The following WRAP73 variants were observed in gnomAD, a reference collection of about 807,000 sequenced individuals.
WRAP73 encodes the protein WD repeat containing, antisense to TP73.
Under a neutral mutation model 59.6 loss-of-function variants are expected in WRAP73, and 55 were observed. That is an observed-to-expected ratio of 0.92 (90% CI 0.74 to 1.15). The LOEUF (loss-of-function observed/expected upper bound fraction) is 1.15, where lower values mean the gene tolerates loss of function less well. Ranked by LOEUF, WRAP73 falls within the 50% of genes most tolerant of loss-of-function variation. WRAP73 has a pLI of 0.00. For synonymous variants in WRAP73, 265 were observed against 258.2 expected (o/e 1.03, Z -0.25); for missense variants, 592 against 608.1 (o/e 0.97, Z 0.28).
At chr1:3,631,426 A>AGCCGTGT (rs1553124492) in intron 11 of WRAP73, 40 bp downstream of exon 11, 1 of 1,553,234 alleles carries the variant, frequency 6.4e-7, no homozygotes, top group Non-Finnish European at 8.7e-7. Context: ...GACTGCACAC[A>AGCCGTGT]GCAAGGCTGC....
intron 5 of WRAP73, chr1:3,636,689 C>T (rs896313157): frequency 1.7e-5 from 7 of 419,258 alleles, no homozygotes; most frequent in Admixed American, 6.5e-5. Context: ...TGAACTTCCA[C>T]GTCCCCCCAA....
intron 11 of WRAP73, 77 bp from the exon 12 acceptor site, chr1:3,631,194 C>A: frequency 6.3e-7 from 1 of 1,589,216 alleles, no homozygotes; most frequent in Non-Finnish European, 8.6e-7. Context: ...CCTTGTCCTG[C>A]AGGCCAGCAC....
Position 3,637,026 on chromosome 1 carries a change from ATGCTCACGTAATCTT to A in WRAP73, c.470_484del (p.Lys157_Ser161del). 6.2e-7 allele frequency: 1 copy of A among 1,613,758 alleles called. No individual in the cohort carries two copies. The highest frequency in any genetic ancestry group is 8.5e-7 in the Non-Finnish European group (1 of 1,180,012). On this transcript the variant is annotated inframe_deletion, in exon 5 of 12. Transcript: ENST00000270708. ...GAGCTGCCAATCACTGCAGACGAAG[ATGCTCACGTAATCTT>A]TGCAGTCGCGCCGTTCTGCCAGCGC...
chr1:3,647,162 C>T, intron 2 of WRAP73: 1 of 485,112 alleles, frequency 2.1e-6, no homozygotes, highest in Non-Finnish European at 3.6e-6. Flanking sequence ...AAACACACCA[C>T]ATCCGCGTGG....
At chr1:3,632,563 C>G in intron 9 of WRAP73, 1 of 622,446 alleles carries the variant, frequency 1.6e-6, no homozygotes, top group East Asian at 3.2e-5. Context: ...ACCTGCCAGG[C>G]CCGACTAGGT....
intron 6 of WRAP73, 109 bp downstream of exon 6, chr1:3,635,834 CA>C (rs1414751456): frequency 1.2e-5 from 12 of 968,878 alleles, no homozygotes; most frequent in Non-Finnish European, 1.7e-5. Flanking sequence ...AAACAAAGCT[CA>C]ACTTGTTATC....
intron 1 of WRAP73, among the ~76,000 whole-genome samples, chr1:3,648,134 T>A (rs1644708266): frequency 6.6e-6 from 1 of 152,258 alleles, no homozygotes; most frequent in Non-Finnish European, 1.5e-5. Context: ...TTTATCTCCA[T>A]TAACCTATTC....
chr1:3,632,119 A>G, intron 10 of WRAP73, 94 bp downstream of exon 10: 1 of 1,515,250 alleles, frequency 6.6e-7, no homozygotes, highest in East Asian at 2.3e-5. Context: ...CGTGTCGGAA[A>G]CCCCCAACTT....
At chr1:3,636,421 A>G (rs1161948608) in intron 5 of WRAP73, 6 of 297,788 alleles carry the variant, frequency 2.0e-5, no homozygotes, top group South Asian at 8.9e-5. Flanking sequence ...GTCTCCCCGC[A>G]CCTGCACTCA....
chr1:3,644,687 A>T (rs1025874964), intron 3 of WRAP73, among the ~76,000 whole-genome samples: 4 of 152,226 alleles, frequency 2.6e-5, no homozygotes, highest in Non-Finnish European at 4.4e-5. Flanking sequence ...TCATGACCTT[A>T]GTCTTAGGTT....
At position 3,649,937 on chromosome 1, in the gene WRAP73, C is replaced by A; in HGVS notation, c.63G>T (p.Lys21Asn). ...SLLCKFSPDG[K>N]YLASCVQYRL... The stretch of plus-strand genomic sequence containing the variant: ...CCAGGTCCCCGCCGCTCACCAGGTA[C>A]TTGCCGTCCGGGGAGAACTTGCAGA... Residue 21 changes from lysine (K) to asparagine (N), a missense_variant, in exon 1 of 12, where the codon AAG becomes AAT. Physicochemically the swap from Lys to Asn is moderately conservative, Grantham distance 94 (BLOSUM62 0). Transcript: ENST00000270708. 6.2e-7 allele frequency: 1 copy of A among 1,602,908 alleles called. No individual in the cohort carries two copies. Among genetic ancestry groups the A allele is most frequent in the East Asian group, 2.3e-5 (1 of 43,944 alleles).
Position 3,646,820 on chromosome 1 carries a change from T to A in WRAP73, c.223-38A>T, listed in dbSNP as rs1644696106. 4 of 1,562,336 alleles carry A rather than the reference T, an allele frequency of 2.6e-6. No individual in the cohort carries two copies. The highest frequency in any genetic ancestry group is 3.5e-6 in the Non-Finnish European group (4 of 1,140,282). On this transcript the variant is annotated intron_variant, in intron 2 of 11. Coordinates refer to ENST00000270708, the MANE Select transcript of WRAP73 (RefSeq NM_017818.4). The surrounding 1 kb of genome is among the most constrained non-coding windows in gnomAD (Gnocchi z 5.1). ...AAGAAAGAAACACACAAGTGCAAAC[T>A]CATCAGCACCGAGAGACAGCGAGGA...
chr1:3,636,858 G>T (rs946761600), intron 5 of WRAP73, 137 bp downstream of exon 5: 1 of 909,262 alleles, frequency 1.1e-6, no homozygotes, highest in Non-Finnish European at 1.7e-6. Flanking sequence ...GATTCGCAGC[G>T]CACCTGCCCT....
intron 1 of WRAP73, among the ~76,000 whole-genome samples, chr1:3,649,470 C>A (rs1258812762): frequency 6.6e-6 from 1 of 152,360 alleles, no homozygotes; most frequent in East Asian, 1.9e-4. Context: ...AAAGAGCCGA[C>A]ATCTCCTATA....
chr1:3,646,080 C>A lies in WRAP73; in HGVS notation c.339+586G>T, dbSNP rs901830899. Among the ~76,000 whole-genome samples the A allele has an allele frequency of 1.3e-5, 2 of 152,196 alleles. No individual in the cohort carries two copies. Among genetic ancestry groups the A allele is most frequent in the Non-Finnish European group, 2.9e-5 (2 of 68,032 alleles). On this transcript the variant is annotated intron_variant, in intron 3 of 11. Coordinates refer to ENST00000270708, the MANE Select transcript of WRAP73 (RefSeq NM_017818.4). This position sits in a 1 kb window ranked among gnomAD's most constrained non-coding sequence, Gnocchi z 5.1. ...AATGCTCTGACCTAAAATATACACA[C>A]CACTATATACGCTCCCCGGCTCCCT...
At chr1:3,636,971 A>T in intron 5 of WRAP73, 24 bp downstream of exon 5, 1 of 1,610,228 alleles carries the variant, frequency 6.2e-7, no homozygotes, top group South Asian at 1.1e-5. Flanking sequence ...GGACAACTTT[A>T]TTCCAGTCTG....
rs1570296211 is a variant in WRAP73 at position 3,635,277 on chromosome 1, G to A, written c.621C>T (p.Tyr207=). The A allele has an allele frequency of 6.2e-7, 1 of 1,613,960 alleles. No individual in the cohort carries two copies. Among genetic ancestry groups the A allele is most frequent in the Non-Finnish European group, 8.5e-7 (1 of 1,180,050 alleles). Residue 207 remains tyrosine (Y), a synonymous_variant, in exon 7 of 12, where the codon TAC becomes TAT. Coordinates refer to ENST00000270708, the MANE Select transcript of WRAP73 (RefSeq NM_017818.4). ...TGGACAACAACCGGCCATCCAATGA[G>A]TACAGCAGAATCTTGTACTGCAGAT... ...DTCLEYKILL[Y]SLDGRLLSTY... is the part of the protein sequence containing the mutation.
Position 3,647,508 on chromosome 1 carries a change from A to C in WRAP73, c.122T>G (p.Ile41Ser), listed in dbSNP as rs748136206. The C allele has an allele frequency of 1.2e-6, 2 of 1,613,882 alleles. No homozygotes were observed. The highest frequency in any genetic ancestry group is 8.5e-7 in the Non-Finnish European group (1 of 1,179,936). The change falls in exon 2 of 12, where the codon ATC becomes AGC. Residue 41 changes from isoleucine to serine, a missense_variant. Coordinates refer to ENST00000270708, the MANE Select transcript of WRAP73 (RefSeq NM_017818.4). ...GTCTAGGCACGTGTACAGCTGAAGGATCTGAAGGGTGTTCACATCCCGGAC... is the reference window on the plus strand; with the variant it reads ...GTCTAGGCACGTGTACAGCTGAAGGCTCTGAAGGGTGTTCACATCCCGGAC... Reference protein sequence around the residue: ...LVVRDVNTLQILQLYTCLDQI... With the variant: ...LVVRDVNTLQSLQLYTCLDQI...
rs182065342 is a variant in WRAP73 at position 3,630,772 on chromosome 1, G to A, written c.*203C>T. ...AAACGTTTCAAGAAGAGAAGTAGTT[G>A]TATAAATCAGCAAGTATTTATTTTA... On this transcript the variant is annotated 3_prime_UTR_variant, in exon 12 of 12. Coordinates refer to ENST00000270708, the MANE Select transcript of WRAP73 (RefSeq NM_017818.4). The A allele has an allele frequency of 2.3e-3, 1,522 of 670,662 alleles. 9 individuals are homozygous for A. The highest frequency in any genetic ancestry group is 0.015 in the East Asian group (475 of 32,004). 41.5% of individuals were successfully genotyped at this position (670,662 alleles called of 1,614,324 possible).
Sources: allele counts gnomAD v4.1 joint callset (sites outside exome capture counted in the v4.1 genomes callset), GRCh38; gene constraint gnomAD v4.1.1; non-coding constraint Gnocchi (gnomAD v3.1); transcripts MANE v1.5; gene names NCBI Gene and HGNC (gene_info 2026-07-23, HGNC 2026-07-21).